The following DCT variants were observed in gnomAD, a reference collection of about 807,000 sequenced individuals.
The protein encoded by DCT is L-dopachrome tautomerase.
DCT carries 47 observed loss-of-function variants against 53.0 expected under a neutral mutation model. The ratio of observed to expected loss-of-function variants is 0.89; its 90% confidence interval spans 0.70 to 1.13. DCT has a LOEUF of 1.13. DCT is among the 50% of genes most tolerant of loss of function. DCT has a pLI of 0.00. For synonymous variants in DCT, 244 were observed against 237.0 expected (o/e 1.03, Z -0.27); for missense variants, 669 against 637.4 (o/e 1.05, Z -0.53).
chr13:94,465,824 C>T lies in DCT; in HGVS notation c.697-25G>A, dbSNP rs571086194. 9.2e-5 allele frequency: 147 copies of T among 1,595,996 alleles called. 2 individuals are homozygous for T. The South Asian group carries it at 1.5e-3, about 16-fold the overall frequency. Reference sequence around the variant, plus strand: ...GCTAAAAGCAAAGGGCAGGCCTAGTCATTTAATCCATGCCATCAGATACAA... The same window carrying T: ...GCTAAAAGCAAAGGGCAGGCCTAGTTATTTAATCCATGCCATCAGATACAA... On this transcript the variant is annotated intron_variant, in intron 3 of 7. Transcript: ENST00000377028.
the DCT span, among the ~76,000 whole-genome samples, chr13:94,524,540 G>A: frequency 5.3e-5 from 8 of 152,234 alleles, no homozygotes; most frequent in African/African-American, 1.4e-4. Context: ...GTGGGAAAGC[G>A]TGAGCAAAGC....
rs1882087245 is a variant in DCT, at chr13:94,439,067, T to C, written c.*831A>G. ...CAGCCTTCCTTGGAAAGAGTAATTC[T>C]GTATTTGTTAATAGGTTTACAGTAG... On this transcript the variant is annotated 3_prime_UTR_variant, in exon 8 of 8. Coordinates refer to ENST00000377028, the MANE Select transcript of DCT (RefSeq NM_001922.5). 1 of 176,086 alleles carries C rather than the reference T, an allele frequency of 5.7e-6. No homozygotes were observed. Among genetic ancestry groups the C allele is most frequent in the Admixed American group, 6.0e-5 (1 of 16,780 alleles). The allele number at this position is 176,086 out of a possible 1,614,324, so 10.9% of individuals were successfully genotyped here.
At chr13:94,514,797 T>C in the DCT span, among the ~76,000 whole-genome samples, 1 of 152,204 alleles carries the variant, frequency 6.6e-6, no homozygotes, top group African/African-American at 2.4e-5. Context: ...CTGCAGACAG[T>C]GAGGAGCTCG....
At chr13:94,457,997 T>C (rs1380130574) in intron 6 of DCT, among the ~76,000 whole-genome samples, 1 of 152,182 alleles carries the variant, frequency 6.6e-6, no homozygotes, top group Non-Finnish European at 1.5e-5. Flanking sequence ...TCTGTGACCA[T>C]GACGGATCAG....
intron 1 of DCT, among the ~76,000 whole-genome samples, chr13:94,477,407 A>T (rs1042318722): frequency 2.0e-5 from 3 of 151,928 alleles, no homozygotes; most frequent in African/African-American, 4.8e-5. Context: ...TAAAGCCAGA[A>T]CTCTTAATGT....
the DCT span, among the ~76,000 whole-genome samples, chr13:94,536,820 T>C: frequency 6.6e-6 from 1 of 152,054 alleles, no homozygotes; most frequent in Non-Finnish European, 1.5e-5. Context: ...GGTGGGAGCT[T>C]GTAATCCCAG....
chr13:94,545,524 C>T, the DCT span, among the ~76,000 whole-genome samples: 4 of 152,168 alleles, frequency 2.6e-5, no homozygotes, highest in East Asian at 1.9e-4. Flanking sequence ...CCACAAAAGG[C>T]GCCTTAAATA....
chr13:94,481,672 C>T (rs1885451551), upstream of DCT, among the ~76,000 whole-genome samples: 1 of 152,122 alleles, frequency 6.6e-6, no homozygotes, highest in Admixed American at 6.6e-5. Context: ...CATGACTTTC[C>T]AAAATTACAA....
intron 6 of DCT, among the ~76,000 whole-genome samples, chr13:94,450,947 T>C (rs1364604008): frequency 6.6e-6 from 1 of 152,214 alleles, no homozygotes; most frequent in Non-Finnish European, 1.5e-5. Flanking sequence ...TTGGATGTAA[T>C]TCATAGGTTT....
At chr13:94,511,518 C>G in the DCT span, among the ~76,000 whole-genome samples, 2 of 152,046 alleles carry the variant, frequency 1.3e-5, no homozygotes, top group East Asian at 3.9e-4. Context: ...TGCCACCACA[C>G]CTGGCTAATT....
Position 94,479,399 on chromosome 13 carries a change from T to A in DCT, c.-144A>T, listed in dbSNP as rs1315547648. 1.3e-6 allele frequency: 1 copy of A among 786,540 alleles called. No homozygotes were observed. The highest frequency in any genetic ancestry group is 3.1e-5 in the Admixed American group (1 of 32,560). The allele number at this position is 786,540 out of a possible 1,614,324, so 48.7% of individuals were successfully genotyped here. A position where few individuals can be genotyped will look rare whatever the true frequency, so the allele number is the denominator to read the frequency against. On this transcript the variant is annotated 5_prime_UTR_variant, in exon 1 of 8. Transcript: ENST00000377028. Reference sequence around the variant, plus strand: ...TTCTATTCCTTTCTTCTTAAAAAAATACCCACAAGAATCACAGAGGTTACA... The same window carrying A: ...TTCTATTCCTTTCTTCTTAAAAAAAAACCCACAAGAATCACAGAGGTTACA...
the DCT span, among the ~76,000 whole-genome samples, chr13:94,546,777 T>C: frequency 2.0e-5 from 3 of 152,070 alleles, no homozygotes; most frequent in Admixed American, 1.3e-4. The surrounding 1 kb of genome is among the most constrained non-coding windows in gnomAD (Gnocchi z 4.2). Flanking sequence ...ATCTTAGGAG[T>C]TGGGCGAGTA....
chr13:94,501,661 G>T, the DCT span, among the ~76,000 whole-genome samples: 1 of 152,016 alleles, frequency 6.6e-6, no homozygotes, highest in Non-Finnish European at 1.5e-5. Flanking sequence ...AGAAAGGAGA[G>T]AGAGGAGAGA....
intron 6 of DCT, chr13:94,445,710 C>T (rs747889652): frequency 3.4e-5 from 53 of 1,578,102 alleles, no homozygotes; most frequent in Middle Eastern, 1.7e-4. Context: ...CTCCCAGGCT[C>T]ATGGTTACCA....
At chr13:94,502,675 C>T in the DCT span, among the ~76,000 whole-genome samples, 1 of 152,148 alleles carries the variant, frequency 6.6e-6, no homozygotes, top group African/African-American at 2.4e-5. Flanking sequence ...CCCTCAGCTT[C>T]TAGGTACCTC....
the DCT span, among the ~76,000 whole-genome samples, chr13:94,511,231 C>T: frequency 1.3e-5 from 2 of 152,306 alleles, no homozygotes; most frequent in African/African-American, 2.4e-5. Context: ...CCTGCCCCTC[C>T]AGCTACATTG....
chr13:94,444,285 T>TG, intron 6 of DCT: 1 of 378,896 alleles, frequency 2.6e-6, no homozygotes, highest in South Asian at 2.1e-5. Flanking sequence ...CAAACACTTC[T>TG]GGTCCCAAGC....
intron 7 of DCT, among the ~76,000 whole-genome samples, chr13:94,442,860 T>A (rs1264238506): frequency 1.3e-5 from 2 of 152,204 alleles, no homozygotes; most frequent in Non-Finnish European, 2.9e-5. Flanking sequence ...TATTTAAAAT[T>A]TTGATGATGT....
chr13:94,463,094 A>T (rs1325543656), intron 4 of DCT, among the ~76,000 whole-genome samples: 1 of 152,094 alleles, frequency 6.6e-6, no homozygotes, highest in Non-Finnish European at 1.5e-5. Flanking sequence ...TATGGCCTGG[A>T]TTCCAACATC....
Sources: allele counts gnomAD v4.1 joint callset (sites outside exome capture counted in the v4.1 genomes callset), GRCh38; gene constraint gnomAD v4.1.1; non-coding constraint Gnocchi (gnomAD v3.1); transcripts MANE v1.5; gene names NCBI Gene and HGNC (gene_info 2026-07-23, HGNC 2026-07-21).